APBA3: variants seen among roughly 807,000 people sequenced by gnomAD.
APBA3 encodes the protein amyloid beta precursor protein binding family A member 3.
Under a neutral mutation model 55.9 loss-of-function variants are expected in APBA3, and 45 were observed. The observed-to-expected ratio is 0.80, with a 90% CI of 0.63 to 1.03. The LOEUF is 1.03. APBA3 is among the 50% of genes least tolerant of loss of function. APBA3 has a pLI of 0.00. For missense variants in APBA3, 865 were observed against 820.3 expected, an observed-to-expected ratio of 1.05 and a Z score of -0.67; for synonymous variants, 370 against 353.3, an observed-to-expected ratio of 1.05 and a Z score of -0.53.
chr19:3,761,632 C>G lies in APBA3; in HGVS notation c.-134G>C, dbSNP rs1568396915. 1 of 152,444 alleles carries G rather than the reference C, an allele frequency of 6.6e-6. No homozygotes were observed. The highest frequency in any genetic ancestry group is 1.5e-5 in the Non-Finnish European group (1 of 68,176). 9.4% of individuals were successfully genotyped at this position (152,444 alleles called of 1,614,324 possible). A position where few individuals can be genotyped will look rare whatever the true frequency, so the allele number is the denominator to read the frequency against. On this transcript the variant is annotated 5_prime_UTR_variant, in exon 1 of 11. Coordinates refer to ENST00000316757, the MANE Select transcript of APBA3 (RefSeq NM_004886.4). ...GCCCGGGCCGCGTCCCCAGAAGGCGCAGCTCGGGGATTCCCGGTCCCGGCG... is the reference window on the plus strand; with the variant it reads ...GCCCGGGCCGCGTCCCCAGAAGGCGGAGCTCGGGGATTCCCGGTCCCGGCG...
At chr19:3,751,748 G>T in intron 8 of APBA3, 195 bp from the exon 9 acceptor site, 2 of 635,700 alleles carry the variant, frequency 3.1e-6, no homozygotes, top group Non-Finnish European at 5.1e-6. Context: ...TCTGACCCGA[G>T]CCATATCGCT....
At chr19:3,756,516 T>C (rs963734079) in intron 3 of APBA3, 33 of 152,182 alleles carry the variant, frequency 2.2e-4, no homozygotes, top group African/African-American at 7.0e-4. Context: ...ATTGATTGTA[T>C]GTTGAAATAA....
At position 3,751,269 on chromosome 19, in the gene APBA3, T is replaced by C. The variant is rs2036996598; in HGVS notation, c.1576A>G (p.Ile526Val). 4 of 1,544,546 alleles carry C rather than the reference T, an allele frequency of 2.6e-6. No homozygotes were observed. The highest frequency in any genetic ancestry group is 3.5e-6 in the Non-Finnish European group (4 of 1,147,444). The change falls in exon 10 of 11, where the codon ATC (isoleucine) becomes GTC (valine). Residue 526 changes from isoleucine to valine, a missense_variant. Physicochemically the swap from Ile to Val is conservative, Grantham distance 29. Transcript: ENST00000316757. ...ERGGIRVGHR[I>V]IEINGQSVVA... ...ACACTCTGCCCATTGATCTCAATGA[T>C]GCGGTGGCCGACGCGGATGCCCCCA...
rs79486145 is a variant in APBA3 at position 3,753,385 on chromosome 19, G to A, written c.1011+380C>T. On this transcript the variant is annotated intron_variant, in intron 6 of 10. Coordinates refer to ENST00000316757, the MANE Select transcript of APBA3 (RefSeq NM_004886.4). ...AGGCTGGACGCGGTGGCTCACGCCT[G>A]TAATTGCAGCACTTTGGGAGGCTGA... 1.1e-5 allele frequency: 4 copies of A among 359,292 alleles called. No homozygotes were observed. In the East Asian group the frequency reaches 1.5e-4, roughly 13 times the overall value. 22.3% of individuals were successfully genotyped at this position (359,292 alleles called of 1,614,324 possible).
rs777742054 is a variant in APBA3 at position 3,751,605 on chromosome 19, T to C, written c.1396-52A>G. ...CTCAGCTGCCGGACAGCCTGGCAGG[T>C]TGTAGCCCCCTCTGGGCCTCAGTTT... is the stretch of plus-strand genomic sequence containing the variant. On this transcript the variant is annotated intron_variant, in intron 8 of 10. Transcript: ENST00000316757. 18 of 1,535,370 alleles carry C rather than the reference T, an allele frequency of 1.2e-5. No homozygotes were observed. In the East Asian group the frequency reaches 1.9e-4, roughly 16 times the overall value.
In APBA3 at chr19:3,754,190, C is replaced by G. The variant is rs1411216832; in HGVS notation, c.762+5G>C. The G allele has an allele frequency of 1.9e-6, 3 of 1,541,736 alleles. No individual in the cohort carries two copies. Among genetic ancestry groups the G allele is most frequent in the Non-Finnish European group, 1.8e-6 (2 of 1,142,456 alleles). ...CTGCCCGCCCGGCCCCGGCCGCCCCCTCACCTTGACGCGGTCCATGGCCTC... is the reference window on the plus strand; with the variant it reads ...CTGCCCGCCCGGCCCCGGCCGCCCCGTCACCTTGACGCGGTCCATGGCCTC... On this transcript the variant is annotated splice_donor_5th_base_variant and intron_variant, in intron 4 of 10. Transcript: ENST00000316757.
rs140159772 is a variant in APBA3 at position 3,760,559 on chromosome 19, C to T, written c.-37-258G>A. ...GGTCAGGAGTTTGAGACCAGCCTGA[C>T]TAACATGGTGAAATTCCGTCTCTAC... On this transcript the variant is annotated intron_variant, in intron 1 of 10. Coordinates refer to ENST00000316757, the MANE Select transcript of APBA3 (RefSeq NM_004886.4). 9.3e-3 allele frequency among the ~76,000 whole-genome samples: 1,407 copies of T among 151,712 alleles called. 21 individuals carry two copies. Among genetic ancestry groups the T allele is most frequent in the African/African-American group, 0.032 (1,335 of 41,428 alleles).
Position 3,760,105 on chromosome 19 carries a change from C to T in APBA3, c.160G>A (p.Glu54Lys), listed in dbSNP as rs764103758. Residue 54 changes from glutamate (E) to lysine (K), a missense_variant, in exon 2 of 11, where the codon GAG (glutamate) becomes AAG (lysine). Physicochemically the swap from Glu to Lys is moderately conservative, Grantham distance 56 (BLOSUM62 1). Transcript: ENST00000316757. ...PGSLSRMELD[E>K]SSLQELVQQF... ...TGCACCAGCTCCTGAAGGCTTGACT[C>T]ATCAAGTTCCATCCGACTGAGGCTG... is the stretch of plus-strand genomic sequence containing the variant. The T allele has an allele frequency of 1.9e-6, 3 of 1,613,382 alleles. No homozygotes were observed. In the African/African-American group the frequency reaches 4.0e-5, roughly 22 times the overall value.
At chr19:3,753,164 G>A in intron 6 of APBA3, 174 bp from the exon 7 acceptor site, 1 of 714,514 alleles carries the variant, frequency 1.4e-6, no homozygotes, top group Non-Finnish European at 2.3e-6. Flanking sequence ...GCATCTTGGG[G>A]AATCTACGGG....
In APBA3 at chr19:3,751,344, A is replaced by T; in HGVS notation, c.1516-15T>A. 1 of 1,522,858 alleles carries T rather than the reference A, an allele frequency of 6.6e-7. No homozygotes were observed. The highest frequency in any genetic ancestry group is 2.5e-5 in the East Asian group (1 of 40,734). 94.3% of individuals were successfully genotyped at this position (1,522,858 alleles called of 1,614,324 possible). A position where few individuals can be genotyped will look rare whatever the true frequency, so the allele number is the denominator to read the frequency against. ...AGGCTGCAGATCTGGGGGAGAAAAG[A>T]GGGGGACGGGAAAGAGGTGGGGGCT... On this transcript the variant is annotated splice_polypyrimidine_tract_variant and intron_variant, in intron 9 of 10. Transcript: ENST00000316757.
intron 6 of APBA3, chr19:3,753,521 C>G: frequency 2.1e-6 from 1 of 475,314 alleles, no homozygotes; most frequent in Non-Finnish European, 3.7e-6. Context: ...GGTGATACCC[C>G]GGTGGTCCCA....
intron 2 of APBA3, 23 bp from the exon 3 acceptor site, chr19:3,759,623 C>T: frequency 1.2e-6 from 2 of 1,603,346 alleles, no homozygotes; most frequent in South Asian, 2.2e-5. Context: ...AGAGGAGGGG[C>T]AGGACTGAGT....
At position 3,754,212 on chromosome 19, in the gene APBA3, C is replaced by T; in HGVS notation, c.745G>A (p.Ala249Thr). 1 of 1,541,490 alleles carries T rather than the reference C, an allele frequency of 6.5e-7. No homozygotes were observed. Among genetic ancestry groups the T allele is most frequent in the South Asian group, 1.2e-5 (1 of 83,674 alleles). ...CCCCTCACCTTGACGCGGTCCATGG[C>T]CTCCCGGGCCTGGGCCATGCGCGTG... ...TSTRMAQARE[A>T]MDRVKAPDGE... Residue 249 changes from alanine to threonine, a missense_variant, in exon 4 of 11, where the codon GCC (alanine) becomes ACC (threonine). Ala to Thr is a moderately conservative substitution (Grantham distance 58, BLOSUM62 0). Transcript: ENST00000316757.
Position 3,760,135 on chromosome 19 carries a change from G to A in APBA3, c.130C>T (p.Pro44Ser). The A allele has an allele frequency of 6.2e-7, 1 of 1,613,410 alleles. No homozygotes were observed. Among genetic ancestry groups the A allele is most frequent in the Non-Finnish European group, 8.5e-7 (1 of 1,180,030 alleles). ...DSQWDPMPGG[P>S]GSLSRMELDE... ...AGTTCCATCCGACTGAGGCTGCCGGGGCCTCCTGGCATAGGGTCCCACTGG... is the reference window on the plus strand; with the variant it reads ...AGTTCCATCCGACTGAGGCTGCCGGAGCCTCCTGGCATAGGGTCCCACTGG... Residue 44 changes from proline (P) to serine (S), a missense_variant, in exon 2 of 11, where the codon CCC (proline) becomes TCC (serine). Pro to Ser is a moderately conservative substitution (Grantham distance 74). Transcript: ENST00000316757.
At position 3,759,549 on chromosome 19, in the gene APBA3, C is replaced by A; in HGVS notation, c.616+12G>T. 6.3e-7 allele frequency: 1 copy of A among 1,591,002 alleles called. No homozygotes were observed. The highest frequency in any genetic ancestry group is 8.5e-7 in the Non-Finnish European group (1 of 1,169,902). ...CTTCAGTGCCTGAGGCTAGGGTGGG[C>A]GGGACACTCACCCTCCTGGGGGGCA... On this transcript the variant is annotated intron_variant, in intron 3 of 10. Transcript: ENST00000316757.
rs2037119997 is a variant in APBA3 at position 3,759,676 on chromosome 19, G to A, written c.576+13C>T. 1 of 1,611,010 alleles carries A rather than the reference G, an allele frequency of 6.2e-7. No homozygotes were observed. The highest frequency in any genetic ancestry group is 2.2e-5 in the East Asian group (1 of 44,858). On this transcript the variant is annotated intron_variant, in intron 2 of 10. Transcript: ENST00000316757. ...GGCAGTCCAGGATGCCTGGAGGGCG[G>A]GGCGGGCACTACCTGGGCACCAGCG...
chr19:3,753,254 C>T (rs1414076773), intron 6 of APBA3: 1 of 528,610 alleles, frequency 1.9e-6, no homozygotes, highest in East Asian at 3.1e-5. Flanking sequence ...GTGGGAAAAG[C>T]TATCAAAGAC....
At chr19:3,760,786 G>A (rs1042999290) in intron 1 of APBA3, among the ~76,000 whole-genome samples, 4 of 151,494 alleles carry the variant, frequency 2.6e-5, no homozygotes, top group African/African-American at 9.7e-5. Context: ...GGTGGTGTAG[G>A]CTGTAGTCCC....
intron 3 of APBA3, among the ~76,000 whole-genome samples, chr19:3,757,921 T>C (rs966211457): frequency 1.3e-5 from 2 of 152,182 alleles, no homozygotes; most frequent in Non-Finnish European, 2.9e-5. Context: ...AAACTTTATT[T>C]ATGTACACTG....
Sources: allele counts gnomAD v4.1 joint callset (sites outside exome capture counted in the v4.1 genomes callset), GRCh38; gene constraint gnomAD v4.1.1; transcripts MANE v1.5; gene names NCBI Gene and HGNC (gene_info 2026-07-23, HGNC 2026-07-21).